Variants in GALNT13 observed in about 807,000 individuals in gnomAD.
GALNT13 encodes the protein polypeptide N-acetylgalactosaminyltransferase 13.
GALNT13 carries 28 observed loss-of-function variants against 64.2 expected under a neutral mutation model. The ratio of observed to expected loss-of-function variants is 0.44; its 90% confidence interval spans 0.32 to 0.60. The LOEUF (loss-of-function observed/expected upper bound fraction) is 0.60, where lower values mean the gene tolerates loss of function less well. Ranked by LOEUF, GALNT13 falls within the 20% of genes least tolerant of loss-of-function variation. The pLI is 0.05. For missense variants in GALNT13, 577 were observed against 669.8 expected (o/e 0.86, Z 1.53); for synonymous variants, 214 against 224.6 (o/e 0.95, Z 0.42).
chr2:153,637,684 G>T, the GALNT13 span, among the ~76,000 whole-genome samples: 1 of 152,076 alleles, frequency 6.6e-6, no homozygotes, highest in Non-Finnish European at 1.5e-5. Flanking sequence ...GAAATTGTGT[G>T]CTATTAAAGT....
intron 8 of GALNT13, among the ~76,000 whole-genome samples, chr2:154,293,111 T>C (rs1431804413): frequency 1.3e-5 from 2 of 152,168 alleles, no homozygotes; most frequent in Non-Finnish European, 2.9e-5. Flanking sequence ...TCAAATTTAC[T>C]TGAAAGAGAT....
chr2:154,272,648 A>T (rs1168907321), intron 8 of GALNT13, among the ~76,000 whole-genome samples: 2 of 152,084 alleles, frequency 1.3e-5, no homozygotes, highest in African/African-American at 2.4e-5. Flanking sequence ...ATATCCCCTT[A>T]AGGCCAAATT....
chr2:153,844,869 G>T, the GALNT13 span, among the ~76,000 whole-genome samples: 3 of 152,196 alleles, frequency 2.0e-5, no homozygotes, highest in East Asian at 5.8e-4. Flanking sequence ...ATATCCCTAG[G>T]CATGAACACA....
At chr2:154,411,785 G>A (rs1699808547) in intron 11 of GALNT13, among the ~76,000 whole-genome samples, 1 of 151,634 alleles carries the variant, frequency 6.6e-6, no homozygotes, top group African/African-American at 2.4e-5. Flanking sequence ...TAAGAATGGG[G>A]AAATTTAAAC....
the GALNT13 span, among the ~76,000 whole-genome samples, chr2:153,363,411 A>G: frequency 6.6e-6 from 1 of 152,084 alleles, no homozygotes; most frequent in Non-Finnish European, 1.5e-5. Context: ...AGATAGAGAC[A>G]CAAAAAATCC....
At chr2:153,920,064 T>G (rs1689648347) in intron 2 of GALNT13, among the ~76,000 whole-genome samples, 1 of 149,038 alleles carries the variant, frequency 6.7e-6, no homozygotes, top group Non-Finnish European at 1.5e-5. Flanking sequence ...ATATGAATTT[T>G]TAGAAAAAAT....
chr2:153,759,169 A>G, the GALNT13 span, among the ~76,000 whole-genome samples: 1 of 152,086 alleles, frequency 6.6e-6, no homozygotes, highest in Non-Finnish European at 1.5e-5. Flanking sequence ...CAACTTTACT[A>G]TATTCATTTA....
At chr2:153,877,857 G>A (rs1432492213) in intron 1 of GALNT13, among the ~76,000 whole-genome samples, 1 of 152,122 alleles carries the variant, frequency 6.6e-6, no homozygotes, top group Non-Finnish European at 1.5e-5. Context: ...CTTTGTATTT[G>A]TACTGTGGTA....
chr2:153,765,639 G>T, the GALNT13 span, among the ~76,000 whole-genome samples: 1 of 152,110 alleles, frequency 6.6e-6, no homozygotes, highest in Non-Finnish European at 1.5e-5. Flanking sequence ...GGGGACTGTT[G>T]GGAAGGCATG....
the GALNT13 span, among the ~76,000 whole-genome samples, chr2:153,177,301 A>G: frequency 6.6e-6 from 1 of 152,148 alleles, no homozygotes; most frequent in Admixed American, 6.5e-5. Context: ...TACTAAAGTT[A>G]ATTTTAAAAT....
intron 8 of GALNT13, among the ~76,000 whole-genome samples, chr2:154,300,922 A>G (rs532548699): frequency 3.3e-5 from 5 of 152,302 alleles, no homozygotes; most frequent in South Asian, 2.1e-4. Flanking sequence ...TTGAGCACCT[A>G]TAAAGGTGCC....
At chr2:153,157,738 A>G in the GALNT13 span, among the ~76,000 whole-genome samples, 1 of 152,200 alleles carries the variant, frequency 6.6e-6, no homozygotes, top group African/African-American at 2.4e-5. Flanking sequence ...TCACTATAGT[A>G]CCAAAACTTT....
At chr2:154,338,610 A>C (rs1352853840) in intron 9 of GALNT13, among the ~76,000 whole-genome samples, 2 of 152,096 alleles carry the variant, frequency 1.3e-5, no homozygotes, top group East Asian at 1.9e-4. Context: ...GGAGGTGGTA[A>C]AATGTGGGCA....
chr2:153,121,626 G>A, the GALNT13 span, among the ~76,000 whole-genome samples: 4 of 152,230 alleles, frequency 2.6e-5, no homozygotes, highest in African/African-American at 7.2e-5. Context: ...CCGCTGCCTG[G>A]GTTCACGCAA....
intron 3 of GALNT13, among the ~76,000 whole-genome samples, chr2:154,051,221 C>T (rs1004192391): frequency 6.6e-6 from 1 of 150,494 alleles, no homozygotes; most frequent in African/African-American, 2.4e-5. Context: ...TTAAATTTCA[C>T]TTCTGTTTAA....
chr2:153,308,084 T>C, the GALNT13 span, among the ~76,000 whole-genome samples: 17 of 152,158 alleles, frequency 1.1e-4, no homozygotes, highest in African/African-American at 4.8e-5. Flanking sequence ...AAAATGCTGC[T>C]GATGAAACTG....
intron 1 of GALNT13, among the ~76,000 whole-genome samples, chr2:153,874,945 A>G (rs1193606811): frequency 1.3e-5 from 2 of 152,160 alleles, no homozygotes; most frequent in Non-Finnish European, 2.9e-5. Flanking sequence ...AAGTTGGGAC[A>G]TGGCATCATT....
At chr2:154,022,363 T>G (rs898735153) in intron 3 of GALNT13, among the ~76,000 whole-genome samples, 2 of 152,216 alleles carry the variant, frequency 1.3e-5, no homozygotes, top group Non-Finnish European at 2.9e-5. Context: ...AGCTATTGAT[T>G]ATTGCCACAA....
the GALNT13 span, among the ~76,000 whole-genome samples, chr2:153,520,611 C>T: frequency 2.6e-5 from 4 of 152,010 alleles, no homozygotes; most frequent in Admixed American, 6.6e-5. Flanking sequence ...TCTTAATGCT[C>T]GAAAAATAAA....
Sources: allele counts gnomAD v4.1 joint callset (sites outside exome capture counted in the v4.1 genomes callset), GRCh38; gene constraint gnomAD v4.1.1; transcripts MANE v1.5; gene names NCBI Gene and HGNC (gene_info 2026-07-23, HGNC 2026-07-21).